The following ATOSA variants were observed in gnomAD, a reference collection of about 807,000 sequenced individuals.
The protein encoded by ATOSA is atos homolog A.
the ATOSA span, among the ~76,000 whole-genome samples, chr15:52,697,830 G>T: frequency 1.3e-5 from 2 of 151,810 alleles, no homozygotes; most frequent in African/African-American, 2.4e-5. Flanking sequence ...ATGAAATAAA[G>T]CTCACGGGGG....
At chr15:52,694,952 T>A in the ATOSA span, among the ~76,000 whole-genome samples, 1 of 150,898 alleles carries the variant, frequency 6.6e-6, no homozygotes, top group Non-Finnish European at 1.5e-5. Context: ...TGAGACAGGG[T>A]CTTATCCTGT....
chr15:52,624,934 C>T, the ATOSA span, among the ~76,000 whole-genome samples: 3 of 152,044 alleles, frequency 2.0e-5, no homozygotes, highest in South Asian at 2.1e-4. Context: ...CTTGCCACCA[C>T]GCCCAGCTAA....
At chr15:52,640,354 T>C in the ATOSA span, among the ~76,000 whole-genome samples, 1 of 151,428 alleles carries the variant, frequency 6.6e-6, no homozygotes, top group East Asian at 2.0e-4. Context: ...TAGGCTGAGG[T>C]TAGGAGTTCA....
the ATOSA span, among the ~76,000 whole-genome samples, chr15:52,672,514 A>C: frequency 6.9e-6 from 1 of 145,344 alleles, no homozygotes; most frequent in African/African-American, 2.5e-5. Flanking sequence ...AAAAAAAAAA[A>C]CCAGTATTGT....
the ATOSA span, chr15:52,586,906 G>T: frequency 3.6e-6 from 2 of 553,610 alleles, no homozygotes; most frequent in Non-Finnish European, 5.7e-6. Context: ...GAGTCCTATT[G>T]AAGTTATGCA....
At chr15:52,640,657 AAT>A in the ATOSA span, among the ~76,000 whole-genome samples, 2 of 151,752 alleles carry the variant, frequency 1.3e-5, no homozygotes, top group African/African-American at 4.8e-5. Context: ...AAATAAACTA[AAT>A]ATGATTATCC....
chr15:52,658,537 T>C, the ATOSA span: 1 of 389,064 alleles, frequency 2.6e-6, no homozygotes, highest in South Asian at 1.4e-4. Flanking sequence ...CCTCATAAAC[T>C]GAGTGCCTCA....
At chr15:52,672,172 CAAAAAAAAAAA>C in the ATOSA span, among the ~76,000 whole-genome samples, 2 of 62,552 alleles carry the variant, frequency 3.2e-5, no homozygotes, top group Non-Finnish European at 5.6e-5. Context: ...CCCCATTTCT[CAAAAAAAAAAA>C]AAAAAAAAAA....
chr15:52,637,460 T>C, the ATOSA span, among the ~76,000 whole-genome samples: 1 of 152,176 alleles, frequency 6.6e-6, no homozygotes, highest in East Asian at 1.9e-4. Flanking sequence ...TATTTACCAT[T>C]ATCCATGCTC....
chr15:52,617,805 TTAC>T, the ATOSA span, among the ~76,000 whole-genome samples: 1 of 148,620 alleles, frequency 6.7e-6, no homozygotes, highest in African/African-American at 2.4e-5. Context: ...ATATAATTTA[TTAC>T]TAATTTATAT....
the ATOSA span, among the ~76,000 whole-genome samples, chr15:52,685,661 T>C: frequency 2.0e-5 from 3 of 152,162 alleles, 1 homozygote; most frequent in African/African-American, 7.2e-5. Flanking sequence ...CTTGAACTGC[T>C]GGGCTCAAGT....
At chr15:52,603,378 G>A in the ATOSA span, among the ~76,000 whole-genome samples, 1 of 152,084 alleles carries the variant, frequency 6.6e-6, no homozygotes, top group African/African-American at 2.4e-5. Context: ...CACTGTTAGT[G>A]GGAATGTAAA....
the ATOSA span, among the ~76,000 whole-genome samples, chr15:52,688,452 T>C: frequency 4.8e-3 from 735 of 152,272 alleles, 8 homozygotes; most frequent in African/African-American, 0.017. Flanking sequence ...TGGTGGTGAC[T>C]GGCTGTAGGG....
chr15:52,679,793 T>A, the ATOSA span, among the ~76,000 whole-genome samples: 3 of 12,386 alleles, frequency 2.4e-4, no homozygotes, highest in African/African-American at 3.6e-4. Context: ...CTCCTCCTCC[T>A]CCCCCCTCCC....
the ATOSA span, among the ~76,000 whole-genome samples, chr15:52,633,884 T>C: frequency 6.6e-6 from 1 of 152,096 alleles, no homozygotes; most frequent in South Asian, 2.1e-4. Context: ...CACAATGCAT[T>C]GTGGGATTTA....
the ATOSA span, among the ~76,000 whole-genome samples, chr15:52,602,273 T>C: frequency 6.6e-6 from 1 of 152,214 alleles, no homozygotes; most frequent in Non-Finnish European, 1.5e-5. Context: ...AATTTCTATT[T>C]AGTTCAAATC....
chr15:52,608,433 G>C, the ATOSA span: 1 of 780,538 alleles, frequency 1.3e-6, no homozygotes, highest in Non-Finnish European at 1.9e-6. Context: ...TAGTTCTGTA[G>C]GTTTATTATT....
the ATOSA span, among the ~76,000 whole-genome samples, chr15:52,612,738 C>A: frequency 6.6e-6 from 1 of 151,840 alleles, no homozygotes; most frequent in Non-Finnish European, 1.5e-5. Context: ...CTCCTGACCT[C>A]GTGATGCACC....
At chr15:52,611,536 T>G in the ATOSA span, 1 of 1,590,916 alleles carries the variant, frequency 6.3e-7, no homozygotes, top group Non-Finnish European at 8.6e-7. Context: ...GAAAACTTGA[T>G]TTACCAAGAA....
Sources: gnomAD v4.1 joint callset for allele counts (sites outside exome capture counted in the v4.1 genomes callset) on GRCh38, gnomAD v4.1.1 for gene constraint, MANE v1.5 for transcripts, NCBI Gene and HGNC (gene_info 2026-07-23, HGNC 2026-07-21) for gene names.